MAPT: variants seen among roughly 807,000 people sequenced by gnomAD.
The protein encoded by MAPT is microtubule-associated protein tau.
A neutral mutation model predicts 67.9 loss-of-function variants in MAPT; 34 were observed. The observed-to-expected ratio is 0.50, with a 90% CI of 0.38 to 0.67. MAPT has a LOEUF of 0.67. Ranked by LOEUF, MAPT falls within the 30% of genes least tolerant of loss-of-function variation. MAPT has a pLI of 0.00. For synonymous variants in MAPT, 456 were observed against 464.5 expected (o/e 0.98, Z 0.23); for missense variants, 881 against 1,115.2 (o/e 0.79, Z 2.99).
intron 4 of MAPT, among the ~76,000 whole-genome samples, chr17:45,982,246 A>G (rs949141960): frequency 6.8e-5 from 10 of 148,022 alleles, no homozygotes; most frequent in African/African-American, 2.2e-4. Context: ...CGCTTGAACC[A>G]GGGAGTCAGA....
At chr17:45,918,363 C>T (rs1025751250) in intron 1 of MAPT, among the ~76,000 whole-genome samples, 1 of 152,152 alleles carries the variant, frequency 6.6e-6, no homozygotes, top group African/African-American at 2.4e-5. Context: ...GTGGAAAGGG[C>T]CCAGGCTTTG....
In MAPT at chr17:46,027,147, T is replaced by TTTC. The variant is rs1250154908; in HGVS notation, c.*2980_*2982dup. ...ATTACTGCCAACAGTTTCGGCTGCA[T>TTTC]TTCTTCACGCACCTCGGTTCCTCTT... On this transcript the variant is annotated 3_prime_UTR_variant, in exon 13 of 13. Coordinates refer to ENST00000262410, the MANE Select transcript of MAPT (RefSeq NM_001377265.1). The TTTC allele has an allele frequency of 1.1e-4, 16 of 152,304 alleles. No homozygotes were observed. Among genetic ancestry groups the TTTC allele is most frequent in the African/African-American group, 3.1e-4 (13 of 41,454 alleles). 9.4% of individuals were successfully genotyped at this position (152,304 alleles called of 1,614,324 possible).
chr17:45,941,282 C>A (rs115230289), intron 1 of MAPT, among the ~76,000 whole-genome samples: 1,924 of 152,254 alleles, frequency 0.013, 45 homozygotes, highest in African/African-American at 0.042. Context: ...CTATAAAATT[C>A]CCCCACTTTG....
intron 1 of MAPT, among the ~76,000 whole-genome samples, chr17:45,922,844 T>A (rs1256163027): frequency 6.6e-6 from 1 of 152,126 alleles, no homozygotes; most frequent in African/African-American, 2.4e-5. Context: ...TGGTGTTAAC[T>A]AAACTCAGTC....
intron 1 of MAPT, among the ~76,000 whole-genome samples, chr17:45,942,737 T>C (rs2068108553): frequency 6.6e-6 from 1 of 152,224 alleles, no homozygotes. Context: ...GCTAAATTAA[T>C]GGATAAAGTT....
At position 45,906,488 on chromosome 17, in the gene MAPT, G is replaced by A. The variant is rs1299547180; in HGVS notation, c.-18+11802G>A. ...ATCTGTTTGGTGTCAAAGGCACGGG[G>A]CAGGCGCGTTAATTGAACTGCTTGC... is the stretch of plus-strand genomic sequence containing the variant. On this transcript the variant is annotated intron_variant, in intron 1 of 12. Transcript: ENST00000262410. The surrounding 1 kb of genome is among the most constrained non-coding windows in gnomAD (Gnocchi z 4.3). Among the ~76,000 whole-genome samples, 8 of 152,174 alleles carry A rather than the reference G, an allele frequency of 5.3e-5. No individual in the cohort carries two copies. Among genetic ancestry groups the A allele is most frequent in the Non-Finnish European group, 1.5e-5 (1 of 68,028 alleles).
rs1356389218 is a variant in MAPT, at chr17:45,915,371, G to A, written c.-18+20685G>A. Reference sequence around the variant, plus strand: ...TGTGTATGTGTGACGTGAGGTGTGTGTGGTGTGTGAGTTGTGTATGGTGTG... The same window carrying A: ...TGTGTATGTGTGACGTGAGGTGTGTATGGTGTGTGAGTTGTGTATGGTGTG... On this transcript the variant is annotated intron_variant, in intron 1 of 12. Coordinates refer to ENST00000262410, the MANE Select transcript of MAPT (RefSeq NM_001377265.1). The surrounding 1 kb of genome is among the most constrained non-coding windows in gnomAD (Gnocchi z 4.4). Among the ~76,000 whole-genome samples the A allele has an allele frequency of 6.6e-6, 1 of 151,492 alleles. No individual in the cohort carries two copies. Among genetic ancestry groups the A allele is most frequent in the Non-Finnish European group, 1.5e-5 (1 of 67,858 alleles).
At chr17:45,908,368 G>T (rs2064484227) in intron 1 of MAPT, 2 of 152,248 alleles carry the variant, frequency 1.3e-5, no homozygotes, top group Admixed American at 6.5e-5. Context: ...ATGACATTCA[G>T]CTTCCCAGAC....
chr17:45,903,945 ATATATAT>A (rs1221751926), intron 1 of MAPT, among the ~76,000 whole-genome samples: 321 of 16,868 alleles, frequency 0.019, 11 homozygotes, highest in East Asian at 0.044. Flanking sequence ...TTTATATATA[ATATATAT>A]TATATATTAT....
In MAPT at chr17:45,996,935, C is replaced by G. The variant is rs766902911; in HGVS notation, c.1998+271C>G. Among the ~76,000 whole-genome samples the G allele has an allele frequency of 1.3e-5, 2 of 152,254 alleles. No individual in the cohort carries two copies. The highest frequency in any genetic ancestry group is 2.9e-5 in the Non-Finnish European group (2 of 68,056). On this transcript the variant is annotated intron_variant, in intron 9 of 12. Transcript: ENST00000262410. This position sits in a 1 kb window ranked among gnomAD's most constrained non-coding sequence, Gnocchi z 4.5. Reference sequence around the variant, plus strand: ...GGCGAGAGAACGTTCTGGCTCTTCTCTTGCCCCTTCAGCCCCTGTTAATCG... The same window carrying G: ...GGCGAGAGAACGTTCTGGCTCTTCTGTTGCCCCTTCAGCCCCTGTTAATCG...
intron 1 of MAPT, among the ~76,000 whole-genome samples, chr17:45,908,801 C>T (rs956039219): frequency 1.3e-4 from 20 of 152,148 alleles, no homozygotes; most frequent in Admixed American, 1.2e-3. Context: ...CCACGTTCTC[C>T]TCCACATTTA....
At chr17:45,948,093 G>C (rs2068688201) in intron 1 of MAPT, among the ~76,000 whole-genome samples, 1 of 150,230 alleles carries the variant, frequency 6.7e-6, no homozygotes, top group Admixed American at 6.6e-5. Context: ...TGCAACCTCT[G>C]CCTCCCAGGT....
intron 1 of MAPT, among the ~76,000 whole-genome samples, chr17:45,958,000 C>T (rs1333842645): frequency 2.6e-5 from 4 of 152,036 alleles, no homozygotes; most frequent in Non-Finnish European, 5.9e-5. Flanking sequence ...GCAAAATTGA[C>T]AGATAAGCAG....
intron 9 of MAPT, among the ~76,000 whole-genome samples, chr17:45,998,428 C>T (rs1055378509): frequency 6.6e-6 from 1 of 152,184 alleles, no homozygotes; most frequent in African/African-American, 2.4e-5. Flanking sequence ...CTCGGCTGTG[C>T]CCCAGAGCAC....
At position 45,989,995 on chromosome 17, in the gene MAPT, G is replaced by C. The variant is rs751345479; in HGVS notation, c.1525G>C (p.Glu509Gln). The C allele has an allele frequency of 6.2e-7, 1 of 1,614,148 alleles. No homozygotes were observed. The highest frequency in any genetic ancestry group is 8.5e-7 in the Non-Finnish European group (1 of 1,180,022). Residue 509 changes from glutamate (E) to glutamine (Q), a missense_variant, in exon 7 of 13, where the codon GAG becomes CAG. Physicochemically the swap from Glu to Gln is conservative, Grantham distance 29. Transcript: ENST00000262410. ...IQPSSPAVCP[E>Q]PPSSPKYVSS... is the part of the protein sequence containing the mutation. ...ACCCTCCAGCCCTGCTGTGTGCCCAGAGCCACCTTCCTCTCCTAAATACGT... is the reference window on the plus strand; with the variant it reads ...ACCCTCCAGCCCTGCTGTGTGCCCACAGCCACCTTCCTCTCCTAAATACGT...
At chr17:45,894,953 G>A (rs2063062093) in intron 1 of MAPT, 1 of 153,302 alleles carries the variant, frequency 6.5e-6, no homozygotes. Context: ...GCAGACCCCA[G>A]GTGGAGGCTG....
At chr17:45,989,637 C>T (rs541850015) in intron 6 of MAPT, among the ~76,000 whole-genome samples, 1 of 152,054 alleles carries the variant, frequency 6.6e-6, no homozygotes, top group Non-Finnish European at 1.5e-5. Flanking sequence ...GGCGACAGAG[C>T]GAGACTCCGT....
At chr17:45,951,666 G>A (rs1317031319) in intron 1 of MAPT, among the ~76,000 whole-genome samples, 2 of 152,106 alleles carry the variant, frequency 1.3e-5, no homozygotes, top group Non-Finnish European at 2.9e-5. Flanking sequence ...GGCACCAACA[G>A]TGACTCAGCT....
intron 1 of MAPT, among the ~76,000 whole-genome samples, chr17:45,957,228 T>C (rs1179260594): frequency 6.6e-6 from 1 of 152,136 alleles, no homozygotes; most frequent in African/African-American, 2.4e-5. Context: ...TGTAAAAGTG[T>C]TCCTATTTCT....
Sources: allele counts gnomAD v4.1 joint callset (sites outside exome capture counted in the v4.1 genomes callset), GRCh38; gene constraint gnomAD v4.1.1; non-coding constraint Gnocchi (gnomAD v3.1); transcripts MANE v1.5; gene names NCBI Gene and HGNC (gene_info 2026-07-23, HGNC 2026-07-21).